The following BORCS5 variants were observed in gnomAD, a reference collection of about 807,000 sequenced individuals.
The protein encoded by BORCS5 is BLOC-1-related complex subunit 5.
BORCS5 carries 17 observed loss-of-function variants against 22.1 expected under a neutral mutation model. The ratio of observed to expected loss-of-function variants is 0.77; its 90% confidence interval spans 0.53 to 1.15. The LOEUF (loss-of-function observed/expected upper bound fraction) is 1.15. Among genes scored for constraint, BORCS5 ranks in the 50% most tolerant of loss-of-function variants. The pLI, the probability that BORCS5 is intolerant of heterozygous loss-of-function variation, is 0.00. For missense variants in BORCS5, 247 were observed against 253.2 expected (o/e 0.98, Z 0.17); for synonymous variants, 117 against 99.8 (o/e 1.17, Z -1.03).
At chr12:12,368,637 G>T (rs566082490) in intron 2 of BORCS5, among the ~76,000 whole-genome samples, 4 of 150,568 alleles carry the variant, frequency 2.7e-5, no homozygotes, top group South Asian at 2.1e-4. Context: ...TAGAGATGGG[G>T]TGTCACTCTG....
At position 12,450,600 on chromosome 12, in the gene BORCS5, T is replaced by A. The variant is rs113813629; in HGVS notation, c.360+14815T>A. Among the ~76,000 whole-genome samples the A allele has an allele frequency of 5.8e-3, 891 of 152,348 alleles. 4 individuals are homozygous for A. Among genetic ancestry groups the A allele is most frequent in the Middle Eastern group, 0.01 (3 of 294 alleles). On this transcript the variant is annotated intron_variant, in intron 3 of 3. Transcript: ENST00000314565. ...GCCATTTAAATTCATCTCTTAAGGA[T>A]TTCAAAAAGGCATTAAACACACTGC... is the stretch of plus-strand genomic sequence containing the variant.
At chr12:12,370,792 A>G (rs1344568051) in intron 2 of BORCS5, among the ~76,000 whole-genome samples, 1 of 151,680 alleles carries the variant, frequency 6.6e-6, no homozygotes, top group East Asian at 1.9e-4. Context: ...TCTGTGGCCC[A>G]GGCTGGAGTG....
intron 2 of BORCS5, among the ~76,000 whole-genome samples, chr12:12,393,111 C>A (rs1941237958): frequency 6.6e-6 from 1 of 152,018 alleles, no homozygotes; most frequent in Non-Finnish European, 1.5e-5. Context: ...TGGTGCATGC[C>A]TGTAGTCCCA....
chr12:12,432,376 A>G (rs1942452091), intron 2 of BORCS5, among the ~76,000 whole-genome samples: 1 of 152,176 alleles, frequency 6.6e-6, no homozygotes, highest in Non-Finnish European at 1.5e-5. Flanking sequence ...CTTGTCAGTG[A>G]TAGGGTAGCC....
chr12:12,367,669 T>C (rs1267726827), intron 2 of BORCS5, among the ~76,000 whole-genome samples: 1 of 152,248 alleles, frequency 6.6e-6, no homozygotes, highest in East Asian at 1.9e-4. Flanking sequence ...TTTCAACCGA[T>C]TGAGAAAGTG....
intron 3 of BORCS5, among the ~76,000 whole-genome samples, chr12:12,448,685 T>C (rs796295074): frequency 2.0e-5 from 3 of 152,164 alleles, no homozygotes; most frequent in African/African-American, 7.2e-5. Flanking sequence ...CCTGCCATCA[T>C]GCCTGGCTAA....
chr12:12,464,899 G>A (rs1005484114), intron 3 of BORCS5, among the ~76,000 whole-genome samples: 5 of 152,140 alleles, frequency 3.3e-5, no homozygotes, highest in Admixed American at 6.5e-5. Context: ...AGTGTTCCCC[G>A]AGTGTCCGCC....
intron 2 of BORCS5, among the ~76,000 whole-genome samples, chr12:12,431,651 C>T (rs1360014795): frequency 2.0e-5 from 3 of 152,092 alleles, no homozygotes; most frequent in South Asian, 2.1e-4. Context: ...CTGCCCGCCT[C>T]GGCTTCCCAA....
chr12:12,429,067 G>A (rs1265612332), intron 2 of BORCS5, among the ~76,000 whole-genome samples: 2 of 152,146 alleles, frequency 1.3e-5, no homozygotes, highest in Admixed American at 1.3e-4. Flanking sequence ...TGGACAGGAG[G>A]GAGATGGTGG....
chr12:12,433,309 C>T (rs1427253052), intron 2 of BORCS5, among the ~76,000 whole-genome samples: 2 of 117,096 alleles, frequency 1.7e-5, no homozygotes, highest in Admixed American at 1.2e-4. Context: ...GAAGACAGAG[C>T]GAGACTGTGT....
chr12:12,418,532 T>G (rs909028901), intron 2 of BORCS5, among the ~76,000 whole-genome samples: 1 of 151,968 alleles, frequency 6.6e-6, no homozygotes, highest in Non-Finnish European at 1.5e-5. Context: ...CAAAAAAATT[T>G]AAAAATTAGC....
At chr12:12,412,728 C>A (rs1396759355) in intron 2 of BORCS5, among the ~76,000 whole-genome samples, 4 of 152,026 alleles carry the variant, frequency 2.6e-5, no homozygotes, top group Admixed American at 6.6e-5. Context: ...CAGGTCATCA[C>A]CATTGAATAT....
At chr12:12,414,873 G>A (rs369603853) in intron 2 of BORCS5, among the ~76,000 whole-genome samples, 30,090 of 141,824 alleles carry the variant, frequency 0.21, 1,830 homozygotes, top group Non-Finnish European at 0.28. Context: ...TCCCAGACAG[G>A]GTTGTGGCCA....
intron 2 of BORCS5, among the ~76,000 whole-genome samples, chr12:12,375,255 C>T (rs1863623815): frequency 6.6e-6 from 1 of 152,206 alleles, no homozygotes; most frequent in Non-Finnish European, 1.5e-5. Flanking sequence ...TCAGGTGATC[C>T]ATCCGCCTCG....
At chr12:12,430,576 C>T (rs754462784) in intron 2 of BORCS5, among the ~76,000 whole-genome samples, 1 of 152,022 alleles carries the variant, frequency 6.6e-6, no homozygotes, top group Non-Finnish European at 1.5e-5. Context: ...GAAGTTCTTA[C>T]TCATAGATGA....
At position 12,456,540 on chromosome 12, in the gene BORCS5, C is replaced by T. The variant is rs143029520; in HGVS notation, c.361-9006C>T. Among the ~76,000 whole-genome samples, 763 of 152,272 alleles carry T rather than the reference C, an allele frequency of 5.0e-3. 9 individuals are homozygous for T. The highest frequency in any genetic ancestry group is 0.017 in the African/African-American group (718 of 41,544). Reference sequence around the variant, plus strand: ...TATATAACAAAAGTTTTTGAAGCACCGTACTCTCTTGTTGGAGAGGATATC... The same window carrying T: ...TATATAACAAAAGTTTTTGAAGCACTGTACTCTCTTGTTGGAGAGGATATC... On this transcript the variant is annotated intron_variant, in intron 3 of 3. Coordinates refer to ENST00000314565, the MANE Select transcript of BORCS5 (RefSeq NM_058169.6).
intron 2 of BORCS5, among the ~76,000 whole-genome samples, chr12:12,415,422 C>A (rs1348092008): frequency 6.6e-6 from 1 of 151,006 alleles, no homozygotes; most frequent in Non-Finnish European, 1.5e-5. Context: ...TGGCGGCGTG[C>A]GCCTGCAATC....
rs1388355221 is a variant in BORCS5, at chr12:12,440,604, T to TG, written c.360+4820dup. Among the ~76,000 whole-genome samples, 11 of 73,010 alleles carry TG rather than the reference T, an allele frequency of 1.5e-4. No homozygotes were observed. In the East Asian group the frequency reaches 2.8e-3, roughly 19 times the overall value. 47.9% of individuals were successfully genotyped at this position (73,010 alleles called of 152,430 possible). A position where few individuals can be genotyped will look rare whatever the true frequency, so the allele number is the denominator to read the frequency against. On this transcript the variant is annotated intron_variant, in intron 3 of 3. Coordinates refer to ENST00000314565, the MANE Select transcript of BORCS5 (RefSeq NM_058169.6). ...GCAGACGGGGTTTAAGCTAGGTCTTTGAAAAAAAAAAAAAAACCAGGATTT... is the reference window on the plus strand; with the variant it reads ...GCAGACGGGGTTTAAGCTAGGTCTTTGGAAAAAAAAAAAAAAACCAGGATTT...
At chr12:12,363,966 A>G (rs1163009761) in intron 2 of BORCS5, among the ~76,000 whole-genome samples, 2 of 152,194 alleles carry the variant, frequency 1.3e-5, no homozygotes, top group Admixed American at 1.3e-4. Context: ...CCTTCTGTTT[A>G]CTAGAGGCCT....
Sources: gnomAD v4.1 joint callset for allele counts (sites outside exome capture counted in the v4.1 genomes callset) on GRCh38, gnomAD v4.1.1 for gene constraint, MANE v1.5 for transcripts, NCBI Gene and HGNC (gene_info 2026-07-23, HGNC 2026-07-21) for gene names.